Variants in GHR observed in about 807,000 individuals in gnomAD.
GHR encodes GH receptor.
In GHR, 35 loss-of-function variants were observed where a neutral mutation model predicts 67.1. That is an observed-to-expected ratio of 0.52 (90% confidence interval 0.40 to 0.69). The LOEUF (loss-of-function observed/expected upper bound fraction) is 0.69, where lower values mean the gene tolerates loss of function less well. GHR is among the 30% of genes least tolerant of loss of function. The probability of loss-of-function intolerance (pLI) is 0.00; values close to 1 mark genes in which losing one functional copy is unlikely to be tolerated. For missense variants in GHR, 792 were observed against 764.6 expected, an observed-to-expected ratio of 1.04 and a Z score of -0.42; for synonymous variants, 272 against 269.1, an observed-to-expected ratio of 1.01 and a Z score of -0.10.
At chr5:42,528,027 T>C (rs191709110) in intron 1 of GHR, among the ~76,000 whole-genome samples, 6 of 152,248 alleles carry the variant, frequency 3.9e-5, no homozygotes, top group Non-Finnish European at 1.5e-5. Flanking sequence ...TAAATATTAG[T>C]CCTCATTGAG....
chr5:42,685,821 T>A lies in GHR; in HGVS notation c.137-3069T>A, dbSNP rs533169558. ...TTTTCTTGTAAATTTATTGAAGTTCTTTGTAGATTCTGGATATTAGCCCTT... is the reference window on the plus strand; with the variant it reads ...TTTTCTTGTAAATTTATTGAAGTTCATTGTAGATTCTGGATATTAGCCCTT... On this transcript the variant is annotated intron_variant, in intron 3 of 9. Transcript: ENST00000230882. Among the ~76,000 whole-genome samples, 3 of 152,278 alleles carry A rather than the reference T, an allele frequency of 2.0e-5. No homozygotes were observed. The South Asian group carries it at 6.2e-4, about 32-fold the overall frequency.
At chr5:42,487,931 T>C (rs1745949322) in intron 1 of GHR, among the ~76,000 whole-genome samples, 1 of 152,230 alleles carries the variant, frequency 6.6e-6, no homozygotes, top group Non-Finnish European at 1.5e-5. Context: ...AACCTTAAAC[T>C]CTTTCAGGCT....
chr5:42,673,543 T>C (rs767319286), intron 3 of GHR, among the ~76,000 whole-genome samples: 6 of 152,090 alleles, frequency 3.9e-5, no homozygotes, highest in Non-Finnish European at 7.4e-5. Flanking sequence ...CAAAGGTGGA[T>C]TGGATTAAAA....
At chr5:42,434,950 T>G (rs897505405) in intron 1 of GHR, among the ~76,000 whole-genome samples, 7 of 152,232 alleles carry the variant, frequency 4.6e-5, no homozygotes, top group Non-Finnish European at 7.3e-5. Context: ...TTATCTTTAC[T>G]ATCTTTGTGA....
At chr5:42,707,788 T>G (rs1758251195) in intron 6 of GHR, among the ~76,000 whole-genome samples, 1 of 151,934 alleles carries the variant, frequency 6.6e-6, no homozygotes, top group South Asian at 2.1e-4. Flanking sequence ...CTCCACATAC[T>G]CCACACACAC....
In GHR at chr5:42,476,003, C is replaced by G. The variant is rs551298405; in HGVS notation, c.-12+52048C>G. On this transcript the variant is annotated intron_variant, in intron 1 of 9. Transcript: ENST00000230882. Reference sequence around the variant, plus strand: ...CACTGCAAGCTCCGCCTCCCAGGCTCACGCCATTCTCCTGCCTCAGCCTCC... The same window carrying G: ...CACTGCAAGCTCCGCCTCCCAGGCTGACGCCATTCTCCTGCCTCAGCCTCC... Among the ~76,000 whole-genome samples the G allele has an allele frequency of 1.4e-3, 209 of 150,964 alleles. 1 individual carries two copies. The highest frequency in any genetic ancestry group is 7.5e-3 in the South Asian group (36 of 4,774).
intron 2 of GHR, among the ~76,000 whole-genome samples, chr5:42,613,261 G>A (rs967488826): frequency 2.6e-5 from 4 of 151,986 alleles, no homozygotes; most frequent in African/African-American, 9.7e-5. Context: ...ACAATGTGTT[G>A]GGTCCTCTAG....
intron 2 of GHR, among the ~76,000 whole-genome samples, chr5:42,588,865 G>A (rs1460097414): frequency 6.6e-6 from 1 of 152,062 alleles, no homozygotes; most frequent in African/African-American, 2.4e-5. Context: ...AACTTATTGA[G>A]TCATTTGTTT....
chr5:42,700,293 G>C (rs1394261957), intron 6 of GHR, among the ~76,000 whole-genome samples: 1 of 152,170 alleles, frequency 6.6e-6, no homozygotes, highest in Non-Finnish European at 1.5e-5. Context: ...TGGCCACTTA[G>C]CTGTCTTTGG....
In GHR at chr5:42,704,011, CT is replaced by C. The variant is rs751752099; in HGVS notation, c.618+4010del. Among the ~76,000 whole-genome samples, 10 of 151,812 alleles carry C rather than the reference CT, an allele frequency of 6.6e-5. No individual in the cohort carries two copies. The South Asian group carries it at 1.5e-3, about 22-fold the overall frequency. On this transcript the variant is annotated intron_variant, in intron 6 of 9. Transcript: ENST00000230882. ...GCAAGGACAATTTAACTTTTTCCTT[CT>C]CAATTTTGGATGCCTTTTATTTCTC... is the stretch of plus-strand genomic sequence containing the variant.
intron 1 of GHR, among the ~76,000 whole-genome samples, chr5:42,503,470 C>T (rs1746626894): frequency 2.6e-5 from 4 of 152,130 alleles, no homozygotes; most frequent in African/African-American, 7.2e-5. Context: ...TTACCTAAAC[C>T]GTGGTCAACT....
chr5:42,583,372 T>C (rs914640118), intron 2 of GHR, among the ~76,000 whole-genome samples: 18 of 137,134 alleles, frequency 1.3e-4, no homozygotes, highest in Admixed American at 7.6e-4. Context: ...GCACCCCCAT[T>C]ACTTTGCGTT....
chr5:42,669,584 C>T (rs561806205), intron 3 of GHR, among the ~76,000 whole-genome samples: 1 of 152,216 alleles, frequency 6.6e-6, no homozygotes, highest in South Asian at 2.1e-4. Flanking sequence ...AATGTGAGAA[C>T]CAGACACAAG....
chr5:42,626,316 G>C (rs1440414262), intron 2 of GHR, among the ~76,000 whole-genome samples: 1 of 152,202 alleles, frequency 6.6e-6, no homozygotes. Flanking sequence ...TAGCCAGTCA[G>C]CTGTAAATTG....
Position 42,688,915 on chromosome 5 carries a change from C to G in GHR, c.162C>G (p.Thr54=). The change falls in exon 4 of 10, where the codon ACC becomes ACG. Residue 54 remains threonine, a synonymous_variant. Transcript: ENST00000230882. ...KTNSSKEPKF[T]KCRSPERETF... Reference sequence around the variant, plus strand: ...ATTCTTCTAAGGAGCCTAAATTCACCAAGTGCCGTTCACCTGAGCGAGAGA... The same window carrying G: ...ATTCTTCTAAGGAGCCTAAATTCACGAAGTGCCGTTCACCTGAGCGAGAGA... 2 of 1,613,694 alleles carry G rather than the reference C, an allele frequency of 1.2e-6. No homozygotes were observed. The highest frequency in any genetic ancestry group is 2.2e-5 in the South Asian group (2 of 91,062).
At chr5:42,675,702 GA>G (rs1756538539) in intron 3 of GHR, among the ~76,000 whole-genome samples, 1 of 152,222 alleles carries the variant, frequency 6.6e-6, no homozygotes, top group Non-Finnish European at 1.5e-5. Context: ...AAAGTTTGGT[GA>G]AGGTTTAAAT....
At chr5:42,635,985 C>T (rs1358584576) in intron 3 of GHR, among the ~76,000 whole-genome samples, 3 of 151,776 alleles carry the variant, frequency 2.0e-5, no homozygotes, top group Admixed American at 1.3e-4. Context: ...CCGAGGTGGG[C>T]GGATCACGAG....
chr5:42,483,504 A>G (rs958726624), intron 1 of GHR, among the ~76,000 whole-genome samples: 63 of 152,308 alleles, frequency 4.1e-4, no homozygotes, highest in Non-Finnish European at 7.5e-4. Context: ...TAAAAAAAAA[A>G]AAAAAGAACC....
In GHR at chr5:42,480,148, A is replaced by G. The variant is rs1252672697; in HGVS notation, c.-12+56193A>G. The stretch of plus-strand genomic sequence containing the variant: ...TCTGCCTTCATTTTGTTATGTACCC[A>G]GTAGTCATTCAGGAGCAGGTTGTTC... On this transcript the variant is annotated intron_variant, in intron 1 of 9. Coordinates refer to ENST00000230882, the MANE Select transcript of GHR (RefSeq NM_000163.5). 5.3e-5 allele frequency among the ~76,000 whole-genome samples: 8 copies of G among 152,256 alleles called. No homozygotes were observed. In the East Asian group the frequency reaches 7.7e-4, roughly 15 times the overall value.
Sources: gnomAD v4.1 joint callset for allele counts (sites outside exome capture counted in the v4.1 genomes callset) on GRCh38, gnomAD v4.1.1 for gene constraint, MANE v1.5 for transcripts, NCBI Gene and HGNC (gene_info 2026-07-23, HGNC 2026-07-21) for gene names.